Variants in SEMA5A observed in about 807,000 individuals in gnomAD.
SEMA5A encodes semaphorin-5A.
Under a neutral mutation model 135.5 loss-of-function variants are expected in SEMA5A, and 55 were observed. The ratio of observed to expected loss-of-function variants is 0.41; its 90% CI spans 0.33 to 0.51. SEMA5A has a LOEUF of 0.51. Ranked by LOEUF, SEMA5A falls within the 20% of genes least tolerant of loss-of-function variation. SEMA5A has a pLI of 0.37. For missense variants in SEMA5A, 1,290 were observed against 1,419.9 expected (o/e 0.91, Z 1.47); for synonymous variants, 580 against 546.5 (o/e 1.06, Z -0.85).
intron 18 of SEMA5A, among the ~76,000 whole-genome samples, chr5:9,060,162 C>T (rs1475791102): frequency 6.6e-6 from 1 of 152,214 alleles, no homozygotes; most frequent in Non-Finnish European, 1.5e-5. Flanking sequence ...ACATGGGCCA[C>T]TCTGAATAAC....
chr5:9,108,391 G>A, intron 15 of SEMA5A, 104 bp from the exon 16 acceptor site: 2 of 1,336,882 alleles, frequency 1.5e-6, no homozygotes, highest in Middle Eastern at 3.7e-4. Context: ...ACATGGGCAT[G>A]CTCTGCGTGG....
At chr5:9,123,649 TA>T (rs993707773) in intron 13 of SEMA5A, among the ~76,000 whole-genome samples, 6 of 152,142 alleles carry the variant, frequency 3.9e-5, no homozygotes, top group Non-Finnish European at 4.4e-5. Context: ...TATGTGCCTT[TA>T]AAAAATGAAA....
intron 2 of SEMA5A, among the ~76,000 whole-genome samples, chr5:9,389,209 T>C (rs1161040967): frequency 6.6e-6 from 1 of 152,124 alleles, no homozygotes; most frequent in African/African-American, 2.4e-5. Flanking sequence ...TTATTTCACA[T>C]CTGGCATTCT....
chr5:9,219,277 T>A (rs1301089121), intron 8 of SEMA5A, among the ~76,000 whole-genome samples: 1 of 152,174 alleles, frequency 6.6e-6, no homozygotes, highest in Non-Finnish European at 1.5e-5. Context: ...GACTCAGGTC[T>A]GGGAGCCACT....
intron 1 of SEMA5A, among the ~76,000 whole-genome samples, chr5:9,544,743 A>C (rs1028091351): frequency 5.9e-5 from 9 of 152,202 alleles, no homozygotes; most frequent in African/African-American, 2.2e-4. Context: ...AAGGGCGAGG[A>C]GGTGAACGCG....
chr5:9,495,373 A>T (rs1295772132), intron 1 of SEMA5A, among the ~76,000 whole-genome samples: 5 of 152,208 alleles, frequency 3.3e-5, no homozygotes, highest in African/African-American at 7.2e-5. Context: ...TTGAAACTGG[A>T]GGGGAGAAGC....
chr5:9,441,474 G>A lies in SEMA5A; in HGVS notation c.-174-3622C>T, dbSNP rs545507563. ...ATGGTGAGTTAAAGCATGAGTTCCT[G>A]GTACCATCCCTGGAGTTGGGTGGAA... On this transcript the variant is annotated intron_variant, in intron 1 of 22. Coordinates refer to ENST00000382496, the MANE Select transcript of SEMA5A (RefSeq NM_003966.3). Among the ~76,000 whole-genome samples, 113 of 152,242 alleles carry A rather than the reference G, an allele frequency of 7.4e-4. 1 individual carries two copies. Among genetic ancestry groups the A allele is most frequent in the African/African-American group, 2.7e-3 (111 of 41,548 alleles).
chr5:9,353,317 A>ATGAAAGGAAATGAAAGGACAGGAAAG, intron 3 of SEMA5A, among the ~76,000 whole-genome samples: 1 of 53,502 alleles, frequency 1.9e-5, no homozygotes, highest in East Asian at 6.7e-4. Context: ...GGGAAGGGAA[A>ATGAAAGGAAATGAAAGGACAGGAAAG]GGAAGGAAAG....
intron 16 of SEMA5A, among the ~76,000 whole-genome samples, chr5:9,093,128 T>G (rs995407450): frequency 6.6e-6 from 1 of 152,104 alleles, no homozygotes; most frequent in Non-Finnish European, 1.5e-5. Context: ...CTAAGGTAAA[T>G]AAATTGTGAT....
intron 12 of SEMA5A, among the ~76,000 whole-genome samples, chr5:9,150,664 C>T (rs777347754): frequency 8.5e-5 from 13 of 152,294 alleles, no homozygotes; most frequent in African/African-American, 1.4e-4. Flanking sequence ...CAACCCCCGC[C>T]GCCTGAGGTC....
chr5:9,222,169 C>T (rs1747041723), intron 8 of SEMA5A, among the ~76,000 whole-genome samples: 1 of 152,136 alleles, frequency 6.6e-6, no homozygotes, highest in African/African-American at 2.4e-5. Context: ...GGATGCAAAG[C>T]CTGTGTCCCA....
At chr5:9,393,487 G>T (rs376107802) in intron 2 of SEMA5A, among the ~76,000 whole-genome samples, 12 of 152,254 alleles carry the variant, frequency 7.9e-5, no homozygotes, top group African/African-American at 2.9e-4. Flanking sequence ...AGATCACCTG[G>T]GTTCAAATCT....
intron 4 of SEMA5A, among the ~76,000 whole-genome samples, chr5:9,333,215 CAGAA>C (rs1399238451): frequency 6.6e-6 from 1 of 152,144 alleles, no homozygotes; most frequent in Non-Finnish European, 1.5e-5. Context: ...CCTAAATAGC[CAGAA>C]AGAGTGACTC....
At position 9,189,781 on chromosome 5, in the gene SEMA5A, G is replaced by T. The variant is rs1806134; in HGVS notation, c.1273+486C>A. Among the ~76,000 whole-genome samples the T allele has an allele frequency of 8.7e-3, 1,331 of 152,324 alleles. 26 individuals are homozygous for T. The highest frequency in any genetic ancestry group is 0.065 in the East Asian group (336 of 5,188). On this transcript the variant is annotated intron_variant, in intron 11 of 22. Transcript: ENST00000382496. ...TTTGAAAGTATCACTGCCTACATTT[G>T]CTGTAAATGTTCCATTATTTATGCC...
chr5:9,119,688 A>G (rs369693873), intron 14 of SEMA5A, among the ~76,000 whole-genome samples: 1 of 152,224 alleles, frequency 6.6e-6, no homozygotes, highest in Non-Finnish European at 1.5e-5. Context: ...TAGAATAACT[A>G]TCAAAGCTTT....
rs188805644 is a variant in SEMA5A, at chr5:9,198,396, T to C, written c.933-1093A>G. 3.8e-4 allele frequency among the ~76,000 whole-genome samples: 58 copies of C among 152,282 alleles called. 1 individual carries two copies. The highest frequency in any genetic ancestry group is 2.7e-3 in the Admixed American group (41 of 15,292). On this transcript the variant is annotated intron_variant, in intron 9 of 22. Transcript: ENST00000382496. ...TCCCCAATGTCAGCCAGCTACTAAA[T>C]GGGGAAGCTGGACTTGAACCTAAGG...
At chr5:9,539,310 A>G (rs948656618) in intron 1 of SEMA5A, among the ~76,000 whole-genome samples, 1 of 152,240 alleles carries the variant, frequency 6.6e-6, no homozygotes, top group Non-Finnish European at 1.5e-5. Flanking sequence ...TTATTGCTGA[A>G]TAGTAGCCCA....
chr5:9,146,247 C>T (rs548355145), intron 12 of SEMA5A, among the ~76,000 whole-genome samples: 1 of 152,298 alleles, frequency 6.6e-6, no homozygotes, highest in South Asian at 2.1e-4. Flanking sequence ...GCACTTACCA[C>T]TTTTGTTAGT....
intron 2 of SEMA5A, among the ~76,000 whole-genome samples, chr5:9,390,303 G>A (rs982056934): frequency 6.6e-6 from 1 of 152,264 alleles, no homozygotes; most frequent in East Asian, 1.9e-4. Context: ...GAAAGCAGAC[G>A]GAAGATATCA....
Sources: allele counts gnomAD v4.1 joint callset (sites outside exome capture counted in the v4.1 genomes callset), GRCh38; gene constraint gnomAD v4.1.1; transcripts MANE v1.5; gene names NCBI Gene and HGNC (gene_info 2026-07-23, HGNC 2026-07-21).